The following ATP2B2 variants were observed in gnomAD, a reference collection of about 807,000 sequenced individuals.
ATP2B2 encodes plasma membrane calcium-transporting ATPase 2.
In ATP2B2, 15 loss-of-function variants were observed where a neutral mutation model predicts 120.0. That is an observed-to-expected ratio of 0.12 (90% CI 0.08 to 0.19). The LOEUF (loss-of-function observed/expected upper bound fraction) is 0.19. ATP2B2 is among the 10% of genes least tolerant of loss of function. The probability of loss-of-function intolerance (pLI) is 1.00; values close to 1 mark genes in which losing one functional copy is unlikely to be tolerated. For missense variants in ATP2B2, 1,045 were observed against 1,719.8 expected (o/e 0.61, Z 6.94); for synonymous variants, 694 against 700.3 (o/e 0.99, Z 0.14).
At chr3:10,566,545 G>A (rs1299736732) in intron 2 of ATP2B2, 1 of 152,238 alleles carries the variant, frequency 6.6e-6, no homozygotes, top group African/African-American at 2.4e-5. Context: ...TGACTATAAT[G>A]AGACAGTCAG....
At chr3:10,669,000 G>A (rs2071022927) in intron 1 of ATP2B2, among the ~76,000 whole-genome samples, 1 of 152,316 alleles carries the variant, frequency 6.6e-6, no homozygotes, top group Non-Finnish European at 1.5e-5. Context: ...CACGTGGCTT[G>A]CAAATGGTAG....
At chr3:10,423,978 C>G (rs1354979923) in intron 2 of ATP2B2, among the ~76,000 whole-genome samples, 1 of 152,184 alleles carries the variant, frequency 6.6e-6, no homozygotes, top group Non-Finnish European at 1.5e-5. Context: ...AATGTTACCC[C>G]CCGCAGTGCA....
At chr3:10,437,603 C>T (rs1432105984) in intron 2 of ATP2B2, among the ~76,000 whole-genome samples, 2 of 152,230 alleles carry the variant, frequency 1.3e-5, no homozygotes, top group Non-Finnish European at 2.9e-5. Context: ...TCATTACAGT[C>T]CGCTTGCTGT....
At chr3:10,564,909 G>A (rs1353456704) in intron 2 of ATP2B2, among the ~76,000 whole-genome samples, 4 of 152,194 alleles carry the variant, frequency 2.6e-5, no homozygotes, top group Admixed American at 2.0e-4. Flanking sequence ...GTACACGGCT[G>A]CTTAGATAGA....
rs373501973 is a variant in ATP2B2, at chr3:10,444,101, C to G, written c.199+5244G>C. ...CCTCATACCTGACAGAGTCCTGGGC[C>G]TTAGAATGGAGCATGGGCCGCTTCA... On this transcript the variant is annotated intron_variant, in intron 2 of 22. Coordinates refer to ENST00000360273, the MANE Select transcript of ATP2B2 (RefSeq NM_001001331.4). Among the ~76,000 whole-genome samples the G allele has an allele frequency of 4.6e-5, 7 of 152,334 alleles. 1 individual carries two copies. The highest frequency in any genetic ancestry group is 1.7e-4 in the African/African-American group (7 of 41,572).
At chr3:10,360,342 A>T (rs564020580) in intron 12 of ATP2B2, among the ~76,000 whole-genome samples, 1 of 152,322 alleles carries the variant, frequency 6.6e-6, no homozygotes, top group African/African-American at 2.4e-5. Context: ...ATTAGCTTTT[A>T]AAAAAATTAT....
intron 1 of ATP2B2, among the ~76,000 whole-genome samples, chr3:10,629,522 C>A (rs935034978): frequency 1.3e-5 from 2 of 152,210 alleles, no homozygotes; most frequent in East Asian, 3.9e-4. Flanking sequence ...GCTTGGGAGA[C>A]CACAGGCGTC....
chr3:10,338,212 G>C lies in ATP2B2; in HGVS notation c.3384C>G (p.Ile1128Met). 1 of 1,614,100 alleles carries C rather than the reference G, an allele frequency of 6.2e-7. No homozygotes were observed. The highest frequency in any genetic ancestry group is 8.5e-7 in the Non-Finnish European group (1 of 1,180,024). Reference protein sequence around the residue: ...HAERELRRGQILWFRGLNRIQ... With the variant: ...HAERELRRGQMLWFRGLNRIQ... ...TCCGATTCAGGCCTCGGAACCACAGGATCTGGCCCCGCCGCAGCTCCCGCT... is the reference window on the plus strand; with the variant it reads ...TCCGATTCAGGCCTCGGAACCACAGCATCTGGCCCCGCCGCAGCTCCCGCT... The change falls in exon 22 of 23, where the codon ATC becomes ATG. Residue 1128 changes from isoleucine to methionine, a missense_variant. Transcript: ENST00000360273.
intron 5 of ATP2B2, among the ~76,000 whole-genome samples, chr3:10,398,746 T>C (rs1323767490): frequency 6.6e-6 from 1 of 152,200 alleles, no homozygotes; most frequent in Non-Finnish European, 1.5e-5. Context: ...GACAGAGAGT[T>C]GGCACACACA....
intron 2 of ATP2B2, among the ~76,000 whole-genome samples, chr3:10,598,966 G>C (rs891371106): frequency 4.6e-5 from 7 of 152,240 alleles, no homozygotes; most frequent in Non-Finnish European, 7.3e-5. Flanking sequence ...TCTGATAACA[G>C]GTAAGTGATC....
chr3:10,512,464 G>GCACACACACA (rs6147706), intron 3 of ATP2B2, among the ~76,000 whole-genome samples: 29 of 136,954 alleles, frequency 2.1e-4, no homozygotes, highest in East Asian at 1.1e-3. Flanking sequence ...AAGTGTGTGC[G>GCACACACACA]CACACACACA....
At chr3:10,624,218 A>G (rs2069629505) in intron 1 of ATP2B2, among the ~76,000 whole-genome samples, 1 of 152,142 alleles carries the variant, frequency 6.6e-6, no homozygotes, top group Non-Finnish European at 1.5e-5. Flanking sequence ...TACTTTGGGG[A>G]ATGGTGGCCT....
chr3:10,650,769 A>G (rs1056194409), intron 1 of ATP2B2, among the ~76,000 whole-genome samples: 11 of 152,080 alleles, frequency 7.2e-5, no homozygotes, highest in Non-Finnish European at 1.6e-4. Context: ...GACAGCTTGC[A>G]CCGTGCACCT....
chr3:10,407,081 C>T (rs1327311285), intron 3 of ATP2B2, among the ~76,000 whole-genome samples: 1 of 152,138 alleles, frequency 6.6e-6, no homozygotes, highest in Non-Finnish European at 1.5e-5. Context: ...TGAGTTTCTC[C>T]CCAGTGCGGG....
chr3:10,463,598 G>T (rs1481374186), intron 1 of ATP2B2, among the ~76,000 whole-genome samples: 1 of 152,230 alleles, frequency 6.6e-6, no homozygotes, highest in Non-Finnish European at 1.5e-5. Flanking sequence ...GTAATTGTTG[G>T]ATTGGAGCCC....
At chr3:10,349,190 T>C (rs898999718) in intron 16 of ATP2B2, among the ~76,000 whole-genome samples, 1 of 152,220 alleles carries the variant, frequency 6.6e-6, no homozygotes, top group Non-Finnish European at 1.5e-5. Flanking sequence ...CAGTGGCTCC[T>C]ACCTGTAATC....
rs117520785 is a variant in ATP2B2 at position 10,352,627 on chromosome 3, G to A, written c.2137-2050C>T. ...CCTTCCAGTGCCCACTCGGGGTTTG[G>A]GGGCCACGTGAGCAAGGCCCCTGCC... On this transcript the variant is annotated intron_variant, in intron 14 of 22. Coordinates refer to ENST00000360273, the MANE Select transcript of ATP2B2 (RefSeq NM_001001331.4). 2.0e-3 allele frequency among the ~76,000 whole-genome samples: 298 copies of A among 152,348 alleles called. 9 individuals are homozygous for A. The East Asian group carries it at 0.028, about 14-fold the overall frequency.
chr3:10,348,021 GCCT>G (rs2060476819), intron 16 of ATP2B2, among the ~76,000 whole-genome samples: 1 of 151,824 alleles, frequency 6.6e-6, no homozygotes. Flanking sequence ...CCTCCCCTTG[GCCT>G]CCTCTGTAGG....
chr3:10,324,477 TG>T lies in ATP2B2; in HGVS notation c.*4336del, dbSNP rs997206049. The T allele has an allele frequency of 7.2e-5, 11 of 152,188 alleles. No individual in the cohort carries two copies. Among genetic ancestry groups the T allele is most frequent in the African/African-American group, 2.7e-4 (11 of 41,450 alleles). 9.4% of individuals were successfully genotyped at this position (152,188 alleles called of 1,614,324 possible). On this transcript the variant is annotated 3_prime_UTR_variant, in exon 23 of 23. Transcript: ENST00000360273. ...ACATTAAAATCAGGAGAGCTTGGTT[TG>T]GAACTTTGAAAAGGCCTGGGGACTT...
Sources: allele counts gnomAD v4.1 joint callset (sites outside exome capture counted in the v4.1 genomes callset), GRCh38; gene constraint gnomAD v4.1.1; transcripts MANE v1.5; gene names NCBI Gene and HGNC (gene_info 2026-07-23, HGNC 2026-07-21).